The following PROS1 variants were observed in gnomAD, a reference collection of about 807,000 sequenced individuals.
The protein encoded by PROS1 is vitamin K-dependent protein S.
A neutral mutation model predicts 75.9 loss-of-function variants in PROS1; 29 were observed. The observed-to-expected ratio is 0.38, with a 90% confidence interval of 0.28 to 0.52. The LOEUF is 0.52. Ranked by LOEUF, PROS1 falls within the 20% of genes least tolerant of loss-of-function variation. The pLI, the probability that PROS1 is intolerant of heterozygous loss-of-function variation, is 0.83. For synonymous variants in PROS1, 245 were observed against 280.6 expected (o/e 0.87, Z 1.27); for missense variants, 680 against 810.3 (o/e 0.84, Z 1.95).
intron 9 of PROS1, 55 bp from the exon 10 acceptor site, chr3:93,893,177 G>A: frequency 6.9e-7 from 1 of 1,459,076 alleles, no homozygotes; most frequent in South Asian, 1.2e-5. Flanking sequence ...AAAGCTCAAT[G>A]CATTATTCTT....
chr3:93,875,668 ATC>A (rs1708174140), intron 14 of PROS1, among the ~76,000 whole-genome samples: 1 of 136,974 alleles, frequency 7.3e-6, no homozygotes, highest in Non-Finnish European at 1.6e-5. Context: ...CTATCTATCT[ATC>A]TATCTATCAT....
chr3:93,928,011 A>ATAT lies in PROS1; in HGVS notation c.77-605_77-604insATA, dbSNP rs1235149837. On this transcript the variant is annotated intron_variant, in intron 1 of 14. Coordinates refer to ENST00000394236, the MANE Select transcript of PROS1 (RefSeq NM_000313.4). The stretch of plus-strand genomic sequence containing the variant: ...TGTGTGTGTATATATATATATATAT[A>ATAT]TTTTTTTTTTTTTTTTTTTTTGAGA... Among the ~76,000 whole-genome samples the ATAT allele has an allele frequency of 7.0e-4, 31 of 44,456 alleles. 1 individual carries two copies. The highest frequency in any genetic ancestry group is 2.1e-3 in the African/African-American group (23 of 10,812). 29.2% of individuals were successfully genotyped at this position (44,456 alleles called of 152,430 possible).
intron 13 of PROS1, among the ~76,000 whole-genome samples, chr3:93,878,080 T>C (rs1280376485): frequency 6.6e-6 from 1 of 152,170 alleles, no homozygotes; most frequent in African/African-American, 2.4e-5. Context: ...GAAGGAAATC[T>C]GACATGCAAA....
intron 4 of PROS1, among the ~76,000 whole-genome samples, chr3:93,909,560 A>G (rs1371301563): frequency 6.6e-6 from 1 of 151,278 alleles, no homozygotes; most frequent in East Asian, 1.9e-4. Context: ...TTTATTTGTA[A>G]TTTCTGTCCC....
chr3:93,965,278 A>G (rs569312518), intron 1 of PROS1, among the ~76,000 whole-genome samples: 2 of 152,162 alleles, frequency 1.3e-5, no homozygotes, highest in African/African-American at 4.8e-5. Flanking sequence ...CGCCGTCCAC[A>G]ACTGCTGTTT....
At chr3:93,891,753 T>A (rs563832135) in intron 10 of PROS1, among the ~76,000 whole-genome samples, 1 of 151,950 alleles carries the variant, frequency 6.6e-6, no homozygotes, top group Non-Finnish European at 1.5e-5. Flanking sequence ...CTAATGTATA[T>A]CATTTGCACA....
At chr3:93,890,341 G>T (rs1288875104) in intron 10 of PROS1, among the ~76,000 whole-genome samples, 6 of 152,196 alleles carry the variant, frequency 3.9e-5, no homozygotes, top group Non-Finnish European at 8.8e-5. Flanking sequence ...TGTGGTCTTT[G>T]TTGGACTCTT....
intron 14 of PROS1, among the ~76,000 whole-genome samples, chr3:93,875,215 A>G (rs1708164407): frequency 6.6e-6 from 1 of 152,136 alleles, no homozygotes; most frequent in Non-Finnish European, 1.5e-5. Flanking sequence ...TGAGAAAAGA[A>G]ATTACTCAAA....
At chr3:93,966,970 A>G (rs1022763182) in intron 1 of PROS1, among the ~76,000 whole-genome samples, 10 of 152,222 alleles carry the variant, frequency 6.6e-5, no homozygotes, top group African/African-American at 2.4e-4. Flanking sequence ...TTTGAAACGT[A>G]TAAGGGCCAA....
intron 12 of PROS1, among the ~76,000 whole-genome samples, chr3:93,881,936 T>C (rs1263186971): frequency 1.3e-5 from 2 of 152,056 alleles, no homozygotes; most frequent in Non-Finnish European, 2.9e-5. Context: ...CACATTAGTG[T>C]TAACAATTTA....
At chr3:93,945,351 A>G (rs200376596) in intron 1 of PROS1, among the ~76,000 whole-genome samples, 5 of 152,116 alleles carry the variant, frequency 3.3e-5, no homozygotes, top group East Asian at 1.9e-4. Context: ...GAGACACAAC[A>G]ACAAAAAAAA....
intron 3 of PROS1, among the ~76,000 whole-genome samples, chr3:93,914,069 C>T (rs1336641345): frequency 6.6e-6 from 1 of 152,254 alleles, no homozygotes; most frequent in African/African-American, 2.4e-5. Context: ...TTGGCCAGCC[C>T]ATCCCTATGG....
intron 6 of PROS1, 89 bp downstream of exon 6, chr3:93,905,695 A>AT: frequency 6.9e-7 from 1 of 1,444,434 alleles, no homozygotes; most frequent in Non-Finnish European, 9.6e-7. Context: ...CTTACATATC[A>AT]TTTTTCCAAA....
At chr3:93,944,735 C>T (rs1439415379) in intron 1 of PROS1, among the ~76,000 whole-genome samples, 1 of 151,986 alleles carries the variant, frequency 6.6e-6, no homozygotes, top group South Asian at 2.1e-4. Context: ...CCTAACATCA[C>T]AATTAAAAGA....
intron 1 of PROS1, among the ~76,000 whole-genome samples, chr3:93,944,091 C>A (rs1228719512): frequency 1.3e-5 from 2 of 152,014 alleles, no homozygotes; most frequent in Admixed American, 6.6e-5. Flanking sequence ...TCAGACTGGG[C>A]CCAATAAACA....
intron 1 of PROS1, among the ~76,000 whole-genome samples, chr3:93,933,573 CAAAAAAAAAG>C (rs1156300407): frequency 7.5e-6 from 1 of 133,456 alleles, no homozygotes; most frequent in Admixed American, 7.6e-5. Context: ...GACCTTGCCT[CAAAAAAAAAG>C]AAAAAAAAAG....
chr3:93,932,456 A>C (rs1009964659), intron 1 of PROS1, among the ~76,000 whole-genome samples: 2 of 152,188 alleles, frequency 1.3e-5, no homozygotes, highest in Non-Finnish European at 2.9e-5. Context: ...TGTTGCTTGA[A>C]AAGTGTTACA....
chr3:93,945,241 G>A (rs1709366331), intron 1 of PROS1, among the ~76,000 whole-genome samples: 1 of 152,168 alleles, frequency 6.6e-6, no homozygotes, highest in Non-Finnish European at 1.5e-5. Flanking sequence ...ACAGGAACTG[G>A]TACCATTCCT....
chr3:93,946,052 A>G (rs1301394597), intron 1 of PROS1, among the ~76,000 whole-genome samples: 1 of 152,240 alleles, frequency 6.6e-6, no homozygotes, highest in Admixed American at 6.5e-5. Context: ...ACCGCCATTC[A>G]CAATTGCTTC....
Sources: allele counts gnomAD v4.1 joint callset (sites outside exome capture counted in the v4.1 genomes callset), GRCh38; gene constraint gnomAD v4.1.1; transcripts MANE v1.5; gene names NCBI Gene and HGNC (gene_info 2026-07-23, HGNC 2026-07-21).